The following FSIP1 variants were observed in gnomAD, a reference collection of about 807,000 sequenced individuals.
FSIP1 encodes the protein fibrous sheath-interacting protein 1.
A neutral mutation model predicts 60.9 loss-of-function variants in FSIP1; 65 were observed. The observed-to-expected ratio is 1.07, with a 90% confidence interval of 0.87 to 1.31. The LOEUF (loss-of-function observed/expected upper bound fraction) is 1.31, where lower values mean the gene tolerates loss of function less well. Among genes scored for constraint, FSIP1 ranks in the 40% most tolerant of loss-of-function variants. The pLI is 0.00. For synonymous variants in FSIP1, 209 were observed against 221.2 expected, an observed-to-expected ratio of 0.94 and a Z score of 0.49; for missense variants, 675 against 665.5, an observed-to-expected ratio of 1.01 and a Z score of -0.16.
chr15:39,705,770 A>T (rs1190227417), intron 10 of FSIP1, among the ~76,000 whole-genome samples: 1 of 152,014 alleles, frequency 6.6e-6, no homozygotes, highest in Non-Finnish European at 1.5e-5. Flanking sequence ...GGCCAAGGCA[A>T]GCAGATCACT....
Position 39,733,665 on chromosome 15 carries a change from A to G in FSIP1, c.891+4426T>C, listed in dbSNP as rs1289061441. 2.0e-5 allele frequency among the ~76,000 whole-genome samples: 3 copies of G among 152,318 alleles called. No individual in the cohort carries two copies. The South Asian group carries it at 6.2e-4, about 32-fold the overall frequency. ...CGATACAGCTTGGCCGCTGAGATGC[A>G]GGTAGAAGTCCTGGGGACACCATTC... On this transcript the variant is annotated intron_variant, in intron 8 of 11. Coordinates refer to ENST00000350221, the MANE Select transcript of FSIP1 (RefSeq NM_152597.5).
At chr15:39,711,883 C>T (rs1224527665) in intron 10 of FSIP1, among the ~76,000 whole-genome samples, 1 of 151,796 alleles carries the variant, frequency 6.6e-6, no homozygotes, top group Non-Finnish European at 1.5e-5. Context: ...TACGGGGTTT[C>T]ACCTTGTTAC....
intron 10 of FSIP1, among the ~76,000 whole-genome samples, chr15:39,690,425 A>G (rs188824989): frequency 4.9e-4 from 74 of 152,348 alleles, no homozygotes; most frequent in Admixed American, 2.9e-3. Context: ...GACTCCCTTC[A>G]TAACTGTGGG....
At position 39,674,002 on chromosome 15, in the gene FSIP1, A is replaced by G. The variant is rs974408497; in HGVS notation, c.1188+39442T>C. On this transcript the variant is annotated intron_variant, in intron 10 of 11. Coordinates refer to ENST00000350221, the MANE Select transcript of FSIP1 (RefSeq NM_152597.5). ...AATTTTATATAAATCCCTGATATAA[A>G]CTTTAGTAAATTAAGTATAGAGAAG... is the stretch of plus-strand genomic sequence containing the variant. Among the ~76,000 whole-genome samples the G allele has an allele frequency of 2.0e-5, 3 of 152,124 alleles. No individual in the cohort carries two copies. In the East Asian group the frequency reaches 5.8e-4, roughly 29 times the overall value.
chr15:39,698,014 C>G (rs1481130161), intron 10 of FSIP1, among the ~76,000 whole-genome samples: 1 of 151,424 alleles, frequency 6.6e-6, no homozygotes, highest in Non-Finnish European at 1.5e-5. Context: ...AAAAATAAAC[C>G]AATGTATCTG....
chr15:39,651,399 T>C (rs1892862027), intron 10 of FSIP1, among the ~76,000 whole-genome samples: 2 of 152,218 alleles, frequency 1.3e-5, no homozygotes, highest in Admixed American at 6.5e-5. Context: ...CAAATTTCCA[T>C]ATTATTCTTT....
rs138075364 is a variant in FSIP1 at position 39,698,178 on chromosome 15, T to A, written c.1188+15266A>T. Among the ~76,000 whole-genome samples the A allele has an allele frequency of 2.2e-3, 233 of 107,034 alleles. 1 individual carries two copies. Among genetic ancestry groups the A allele is most frequent in the East Asian group, 0.011 (54 of 4,700 alleles). The allele number at this position is 107,034 out of a possible 152,430, so 70.2% of individuals were successfully genotyped here. ...ACTGGATTTCAAATATATATATATA[T>A]AAAATATTAATTGTATATATATATA... On this transcript the variant is annotated intron_variant, in intron 10 of 11. Coordinates refer to ENST00000350221, the MANE Select transcript of FSIP1 (RefSeq NM_152597.5).
In FSIP1 at chr15:39,600,916, C is replaced by T; in HGVS notation, c.1710G>A (p.Glu570=). 1 of 1,611,196 alleles carries T rather than the reference C, an allele frequency of 6.2e-7. No homozygotes were observed. Among genetic ancestry groups the T allele is most frequent in the Non-Finnish European group, 8.5e-7 (1 of 1,178,912 alleles). The change falls in exon 12 of 12, where the codon GAG becomes GAA. Residue 570 remains glutamate (E), a synonymous_variant. Transcript: ENST00000350221. ...TACATTCTTCTGCTGCATCTTTAGT[C>T]TCCTGCTCATCTGCACATAAAAACA... ...SPENTIADEQ[E]TKDAAEECKE... is the part of the protein sequence containing the mutation.
At chr15:39,715,968 G>A (rs1047776599) in intron 9 of FSIP1, among the ~76,000 whole-genome samples, 2 of 152,140 alleles carry the variant, frequency 1.3e-5, no homozygotes, top group African/African-American at 2.4e-5. Flanking sequence ...AGAAGCTGCT[G>A]TGCCTCCTGT....
At chr15:39,714,155 T>C (rs1337123519) in intron 9 of FSIP1, among the ~76,000 whole-genome samples, 1 of 152,164 alleles carries the variant, frequency 6.6e-6, no homozygotes, top group Non-Finnish European at 1.5e-5. Flanking sequence ...CATCACAGTA[T>C]GTAGTAGGCA....
At chr15:39,690,349 C>G (rs34565631) in intron 10 of FSIP1, among the ~76,000 whole-genome samples, 5,058 of 152,188 alleles carry the variant, frequency 0.033, 102 homozygotes, top group Middle Eastern at 0.065. Context: ...GCAGAAGGAG[C>G]AGTTAATGTG....
chr15:39,767,030 G>A (rs925299574), intron 3 of FSIP1, among the ~76,000 whole-genome samples: 1 of 152,056 alleles, frequency 6.6e-6, no homozygotes, highest in East Asian at 1.9e-4. Flanking sequence ...AAAAATTTTT[G>A]TAGAGATGGG....
At chr15:39,600,010 C>T (rs1890581678), downstream of FSIP1, 1 of 152,178 alleles carries the variant, frequency 6.6e-6, no homozygotes, top group Admixed American at 6.5e-5. Flanking sequence ...AGTGGATGAA[C>T]ATGTGCCAGC....
intron 10 of FSIP1, among the ~76,000 whole-genome samples, chr15:39,695,990 G>A (rs1243255310): frequency 6.6e-6 from 1 of 152,184 alleles, no homozygotes; most frequent in African/African-American, 2.4e-5. Context: ...TAATTAGATG[G>A]TGATTTCATT....
At position 39,765,755 on chromosome 15, in the gene FSIP1, T is replaced by C. The variant is rs375600848; in HGVS notation, c.311-9A>G. The C allele has an allele frequency of 3.1e-5, 44 of 1,435,234 alleles. No homozygotes were observed. Among genetic ancestry groups the C allele is most frequent in the Non-Finnish European group, 4.0e-5 (42 of 1,048,988 alleles). The allele number at this position is 1,435,234 out of a possible 1,614,324, so 88.9% of individuals were successfully genotyped here. On this transcript the variant is annotated splice_polypyrimidine_tract_variant and intron_variant, in intron 3 of 11. Coordinates refer to ENST00000350221, the MANE Select transcript of FSIP1 (RefSeq NM_152597.5). ...TTTTAATTTGGGTTCATCTATATTG[T>C]GTTGAAAGTAAAAATAGGTTTGAAG...
intron 10 of FSIP1, among the ~76,000 whole-genome samples, chr15:39,644,414 G>A (rs957963603): frequency 2.2e-4 from 34 of 152,218 alleles, no homozygotes; most frequent in Admixed American, 1.6e-3. Flanking sequence ...CTGTGTTATC[G>A]CCACCAGTCA....
At chr15:39,708,003 G>T (rs1895347250) in intron 10 of FSIP1, among the ~76,000 whole-genome samples, 1 of 152,146 alleles carries the variant, frequency 6.6e-6, no homozygotes, top group Non-Finnish European at 1.5e-5. Flanking sequence ...AAACATCACT[G>T]GTATGGGAAA....
chr15:39,634,060 T>C (rs1343051184), intron 10 of FSIP1, among the ~76,000 whole-genome samples: 5 of 152,200 alleles, frequency 3.3e-5, no homozygotes, highest in African/African-American at 1.2e-4. Context: ...TGTGCTCCTC[T>C]TGATGGCTGT....
At chr15:39,624,549 T>G (rs778785772) in intron 10 of FSIP1, among the ~76,000 whole-genome samples, 1 of 150,380 alleles carries the variant, frequency 6.6e-6, no homozygotes, top group Non-Finnish European at 1.5e-5. Flanking sequence ...GGGGGAAAAA[T>G]AATTGGTGTT....
Sources: allele counts gnomAD v4.1 joint callset (sites outside exome capture counted in the v4.1 genomes callset), GRCh38; gene constraint gnomAD v4.1.1; transcripts MANE v1.5; gene names NCBI Gene and HGNC (gene_info 2026-07-23, HGNC 2026-07-21).